The following LNP1 variants were observed in gnomAD, a reference collection of about 807,000 sequenced individuals.
LNP1 encodes the protein leukemia NUP98 fusion partner 1.
A neutral mutation model predicts 14.5 loss-of-function variants in LNP1; 12 were observed. The observed-to-expected ratio is 0.83, with a 90% CI of 0.53 to 1.34. The LOEUF (loss-of-function observed/expected upper bound fraction) is 1.34. LNP1 is among the 40% of genes most tolerant of loss of function. LNP1 has a pLI of 0.00. For synonymous variants in LNP1, 75 were observed against 71.4 expected, an observed-to-expected ratio of 1.05 and a Z score of -0.26; for missense variants, 198 against 210.9, an observed-to-expected ratio of 0.94 and a Z score of 0.38.
intron 2 of LNP1, among the ~76,000 whole-genome samples, chr3:100,444,833 G>A (rs964923448): frequency 6.6e-6 from 1 of 152,120 alleles, no homozygotes; most frequent in African/African-American, 2.4e-5. Context: ...AATCTTGTCT[G>A]TAAGATATAC....
intron 1 of LNP1, among the ~76,000 whole-genome samples, chr3:100,409,608 T>A (rs148298571): frequency 0.28 from 24,737 of 87,192 alleles, 2,305 homozygotes; most frequent in African/African-American, 0.42. Context: ...ATATATATAT[T>A]TTTTTTTTTT....
intron 3 of LNP1, 74 bp downstream of exon 3, chr3:100,452,023 T>C: frequency 2.2e-6 from 2 of 889,304 alleles, no homozygotes; most frequent in Non-Finnish European, 3.5e-6. Context: ...TCTTTATGAT[T>C]GAGGGGAACA....
At chr3:100,425,877 C>G (rs1190994846) in intron 1 of LNP1, among the ~76,000 whole-genome samples, 6 of 152,188 alleles carry the variant, frequency 3.9e-5, no homozygotes, top group Non-Finnish European at 7.4e-5. Flanking sequence ...CAATTTCTGT[C>G]TAGGAACAGC....
At chr3:100,452,202 C>CT (rs1321009854) in intron 3 of LNP1, among the ~76,000 whole-genome samples, 18,381 of 129,272 alleles carry the variant, frequency 0.14, 2,287 homozygotes, top group East Asian at 0.32. Context: ...GTTTTTCTTT[C>CT]TTTTTTTTTT....
intron 1 of LNP1, among the ~76,000 whole-genome samples, chr3:100,405,370 C>T (rs1458863460): frequency 6.6e-6 from 1 of 152,168 alleles, no homozygotes; most frequent in Non-Finnish European, 1.5e-5. Context: ...TAACACATAA[C>T]AGATACTCAA....
intron 2 of LNP1, among the ~76,000 whole-genome samples, chr3:100,437,607 T>G (rs575856524): frequency 1.3e-5 from 2 of 152,336 alleles, no homozygotes; most frequent in South Asian, 4.1e-4. Context: ...ATGTTTTCCC[T>G]GATAGTGTTT....
intron 1 of LNP1, among the ~76,000 whole-genome samples, chr3:100,423,921 G>A (rs1436040605): frequency 6.6e-6 from 1 of 152,134 alleles, no homozygotes; most frequent in Non-Finnish European, 1.5e-5. Flanking sequence ...CTTCAGGAGT[G>A]GGCTGGAGCC....
chr3:100,437,356 T>C (rs1707302600), intron 2 of LNP1, among the ~76,000 whole-genome samples: 2 of 152,214 alleles, frequency 1.3e-5, no homozygotes. Flanking sequence ...TTTCTTCTTA[T>C]AGCTCTCCTC....
At chr3:100,452,521 G>A (rs1707469896) in intron 3 of LNP1, among the ~76,000 whole-genome samples, 1 of 151,930 alleles carries the variant, frequency 6.6e-6, no homozygotes, top group Admixed American at 6.6e-5. Context: ...AGTTTCTTGA[G>A]CCTGCTTTCA....
At chr3:100,438,086 A>G (rs1341419643) in intron 2 of LNP1, among the ~76,000 whole-genome samples, 1 of 152,162 alleles carries the variant, frequency 6.6e-6, no homozygotes, top group Non-Finnish European at 1.5e-5. Flanking sequence ...AGGACTCAAT[A>G]TGGGTCTTAC....
intron 2 of LNP1, among the ~76,000 whole-genome samples, chr3:100,450,811 G>T (rs939586257): frequency 4.6e-5 from 7 of 152,106 alleles, no homozygotes; most frequent in Non-Finnish European, 1.0e-4. Flanking sequence ...CTCCATAAAG[G>T]AGTTACCTGC....
chr3:100,409,557 TACACACACACAC>T (rs35651277), intron 1 of LNP1, among the ~76,000 whole-genome samples: 3 of 126,362 alleles, frequency 2.4e-5, no homozygotes, highest in Admixed American at 8.7e-5. Flanking sequence ...TATATATACA[TACACACACACAC>T]ACACACACAC....
intron 1 of LNP1, among the ~76,000 whole-genome samples, chr3:100,403,642 T>C (rs1407071600): frequency 2.0e-5 from 3 of 152,176 alleles, no homozygotes; most frequent in Admixed American, 2.0e-4. Flanking sequence ...TTTTTGTATA[T>C]TGGCCAAGCT....
intron 1 of LNP1, among the ~76,000 whole-genome samples, chr3:100,411,087 G>A (rs531497254): frequency 1.5e-4 from 23 of 152,276 alleles, no homozygotes; most frequent in African/African-American, 5.5e-4. Flanking sequence ...GAGGGCCTGG[G>A]GGGCAGAGAG....
intron 2 of LNP1, among the ~76,000 whole-genome samples, chr3:100,442,358 A>G (rs931910887): frequency 6.6e-6 from 1 of 152,170 alleles, no homozygotes; most frequent in Non-Finnish European, 1.5e-5. Context: ...AAGGTTGAGG[A>G]TGCGCACCTG....
chr3:100,437,103 C>T (rs1707300349), intron 2 of LNP1, among the ~76,000 whole-genome samples: 1 of 152,128 alleles, frequency 6.6e-6, no homozygotes, highest in Admixed American at 6.6e-5. Flanking sequence ...TTATAGCAGC[C>T]CAAGCTGACT....
chr3:100,411,003 T>G (rs993508976), intron 1 of LNP1, among the ~76,000 whole-genome samples: 11 of 152,192 alleles, frequency 7.2e-5, no homozygotes, highest in Middle Eastern at 3.2e-3. Flanking sequence ...AGAGAGCTTG[T>G]GGACTGGCCT....
At chr3:100,429,676 A>G in intron 1 of LNP1, 21 bp from the exon 2 acceptor site, 1 of 1,524,138 alleles carries the variant, frequency 6.6e-7, no homozygotes, top group Non-Finnish European at 9.0e-7. Context: ...GTTGGGTGAT[A>G]TTTCCCTCTG....
Position 100,411,711 on chromosome 3 carries a change from CAGAG to C in LNP1, c.-34+9281_-34+9284del, listed in dbSNP as rs750412516. ...CTCACATGACCTCTTTGTATGCATG[CAGAG>C]AGAGAGAGTAAACTCTCTGATGTTT... is the stretch of plus-strand genomic sequence containing the variant. On this transcript the variant is annotated intron_variant, in intron 1 of 3. Transcript: ENST00000383693. Among the ~76,000 whole-genome samples the C allele has an allele frequency of 1.9e-3, 286 of 151,998 alleles. 1 individual carries two copies. Among genetic ancestry groups the C allele is most frequent in the Middle Eastern group, 3.4e-3 (1 of 294 alleles).
Sources: gnomAD v4.1 joint callset for allele counts (sites outside exome capture counted in the v4.1 genomes callset) on GRCh38, gnomAD v4.1.1 for gene constraint, MANE v1.5 for transcripts, NCBI Gene and HGNC (gene_info 2026-07-23, HGNC 2026-07-21) for gene names.